Variants in TJP1 observed in about 807,000 individuals in gnomAD.
The protein encoded by TJP1 is tight junction protein 1, also known as tight junction protein ZO-1.
TJP1 carries 43 observed loss-of-function variants against 194.2 expected under a neutral mutation model. The observed-to-expected ratio is 0.22, with a 90% CI of 0.17 to 0.29. TJP1 has a LOEUF of 0.29. Among genes scored for constraint, TJP1 ranks in the 10% least tolerant of loss-of-function variants. TJP1 has a pLI of 1.00. For missense variants in TJP1, 1,971 were observed against 2,185.7 expected (o/e 0.90, Z 1.96); for synonymous variants, 801 against 779.0 (o/e 1.03, Z -0.47).
At position 29,888,203 on chromosome 15, in the gene TJP1, T is replaced by G. The variant is rs184439716; in HGVS notation, c.306+68029A>C. Among the ~76,000 whole-genome samples the G allele has an allele frequency of 5.9e-5, 9 of 152,150 alleles. No individual in the cohort carries two copies. In the East Asian group the frequency reaches 1.7e-3, roughly 29 times the overall value. ...TACAATTTTATTTTTTAAATATAGA[T>G]TTATATATGAAAGTATTAAAATATT... is the stretch of plus-strand genomic sequence containing the variant. On this transcript the variant is annotated intron_variant, in intron 2 of 28. Transcript: ENST00000356107.
intron 2 of TJP1, among the ~76,000 whole-genome samples, chr15:29,908,637 C>T (rs535368528): frequency 4.6e-5 from 7 of 152,076 alleles, no homozygotes; most frequent in East Asian, 3.9e-4. Flanking sequence ...TATTAGCAGA[C>T]GCCAGTTATG....
chr15:29,966,295 G>T (rs570546752), intron 1 of TJP1, among the ~76,000 whole-genome samples: 1 of 152,088 alleles, frequency 6.6e-6, no homozygotes, highest in Non-Finnish European at 1.5e-5. Context: ...CTAACGTCAG[G>T]AGTTTGAGAC....
chr15:29,746,742 T>C (rs568891141), intron 8 of TJP1, among the ~76,000 whole-genome samples: 208 of 152,270 alleles, frequency 1.4e-3, no homozygotes, highest in Admixed American at 2.4e-3. Context: ...TTATTAGTAG[T>C]CTCTTTTCAG....
At chr15:29,720,190 GACAA>G in intron 19 of TJP1, 164 bp downstream of exon 19, 1 of 1,113,386 alleles carries the variant, frequency 9.0e-7, no homozygotes, top group Non-Finnish European at 1.2e-6. Flanking sequence ...GCTGTGTTAA[GACAA>G]ACACACAAAA....
intron 1 of TJP1, among the ~76,000 whole-genome samples, chr15:29,802,581 T>C (rs1382262816): frequency 6.6e-6 from 1 of 151,104 alleles, no homozygotes; most frequent in Non-Finnish European, 1.5e-5. Context: ...TTTTTTTTTT[T>C]AAACAAACAT....
intron 2 of TJP1, among the ~76,000 whole-genome samples, chr15:29,794,419 A>T (rs924705375): frequency 1.3e-5 from 2 of 152,200 alleles, no homozygotes; most frequent in Admixed American, 1.3e-4. Context: ...CACAGAAAGA[A>T]GCCAGGTACA....
intron 2 of TJP1, among the ~76,000 whole-genome samples, chr15:29,935,746 C>T (rs1293847130): frequency 6.6e-6 from 1 of 152,096 alleles, no homozygotes; most frequent in Non-Finnish European, 1.5e-5. Flanking sequence ...CACCTCCTTG[C>T]ATCAACAATC....
chr15:29,896,805 G>C (rs2053491117), intron 2 of TJP1, among the ~76,000 whole-genome samples: 1 of 152,176 alleles, frequency 6.6e-6, no homozygotes, highest in Non-Finnish European at 1.5e-5. Flanking sequence ...TCCTGCCCTA[G>C]AGATTTGTGG....
chr15:29,830,432 C>G (rs2050803097), intron 2 of TJP1, among the ~76,000 whole-genome samples: 1 of 150,038 alleles, frequency 6.7e-6, no homozygotes. Context: ...TTTATATGAA[C>G]ATTACCATAC....
In TJP1 at chr15:29,908,048, C is replaced by CAAAAAAAAAAAAAAAAAAA. The variant is rs1156724424; in HGVS notation, c.306+48165_306+48183dup. Among the ~76,000 whole-genome samples the CAAAAAAAAAAAAAAAAAAA allele has an allele frequency of 7.7e-4, 15 of 19,524 alleles. 3 individuals carry two copies. Among genetic ancestry groups the CAAAAAAAAAAAAAAAAAAA allele is most frequent in the Admixed American group, 9.8e-4 (1 of 1,018 alleles). The allele number at this position is 19,524 out of a possible 152,430, so 12.8% of individuals were successfully genotyped here. ...AAAGTTGAGAAATTACCTTATAAAG[C>CAAAAAAAAAAAAAAAAAAA]AAAAAAAAAAAAAAAAAAAAAAAAA... is the stretch of plus-strand genomic sequence containing the variant. On this transcript the variant is annotated intron_variant, in intron 2 of 28. Transcript: ENST00000356107.
In TJP1 at chr15:29,723,851, C is replaced by G. The variant is rs529068905; in HGVS notation, c.2412+2528G>C. 5.3e-5 allele frequency among the ~76,000 whole-genome samples: 8 copies of G among 152,232 alleles called. No homozygotes were observed. The South Asian group carries it at 1.5e-3, about 28-fold the overall frequency. ...GGAAAGGAAGCTACAGAGTTGCAAT[C>G]AACAGGTTATCACTGGACACTAACG... On this transcript the variant is annotated intron_variant, in intron 18 of 27. Transcript: ENST00000614355.
At chr15:29,810,221 A>C (rs2049395156) in intron 1 of TJP1, among the ~76,000 whole-genome samples, 1 of 152,212 alleles carries the variant, frequency 6.6e-6, no homozygotes, top group Admixed American at 6.5e-5. Flanking sequence ...AGACACAATG[A>C]ATGAAGTATA....
chr15:29,774,943 T>TCA (rs2046923355), intron 2 of TJP1, among the ~76,000 whole-genome samples: 1 of 152,160 alleles, frequency 6.6e-6, no homozygotes, highest in Non-Finnish European at 1.5e-5. Context: ...TTCTTTGCTT[T>TCA]CAGTTACTTC....
intron 8 of TJP1, among the ~76,000 whole-genome samples, chr15:29,748,252 T>C (rs963908988): frequency 5.3e-5 from 8 of 152,238 alleles, no homozygotes; most frequent in Non-Finnish European, 8.8e-5. Flanking sequence ...TTTTGCATAC[T>C]GTGTTTTCAA....
intron 2 of TJP1, among the ~76,000 whole-genome samples, chr15:29,798,172 C>T (rs1002793895): frequency 4.6e-5 from 7 of 151,942 alleles, no homozygotes; most frequent in African/African-American, 1.4e-4. Context: ...GGTTTCACCA[C>T]GTTGGCCAGG....
At chr15:29,798,246 C>T (rs1335581110) in intron 2 of TJP1, among the ~76,000 whole-genome samples, 1 of 148,710 alleles carries the variant, frequency 6.7e-6, no homozygotes, top group Non-Finnish European at 1.5e-5. Context: ...GCTGGGATTA[C>T]AGGTGTGAGC....
At chr15:29,821,919 G>T in intron 1 of TJP1, 83 bp downstream of exon 1, 2 of 1,155,442 alleles carry the variant, frequency 1.7e-6, no homozygotes, top group South Asian at 4.3e-5. Context: ...GCCAGCGAGG[G>T]AGGGCGGGAC....
intron 2 of TJP1, among the ~76,000 whole-genome samples, chr15:29,893,706 A>ACACAATGCTTTTG (rs112737158): frequency 0.12 from 18,547 of 152,142 alleles, 1,308 homozygotes; most frequent in African/African-American, 0.19. Context: ...TGTTTTTCAG[A>ACACAATGCTTTTG]CACAATTAAT....
intron 26 of TJP1, 109 bp downstream of exon 26, chr15:29,705,419 T>C (rs2041829270): frequency 8.6e-7 from 1 of 1,166,686 alleles, no homozygotes; most frequent in Admixed American, 2.2e-5. Context: ...ACAGCACTCA[T>C]CTGGAGATAG....
Sources: gnomAD v4.1 joint callset for allele counts (sites outside exome capture counted in the v4.1 genomes callset) on GRCh38, gnomAD v4.1.1 for gene constraint, MANE v1.5 for transcripts, NCBI Gene and HGNC (gene_info 2026-07-23, HGNC 2026-07-21) for gene names.